The following ECT2 variants were observed in gnomAD, a reference collection of about 807,000 sequenced individuals.
ECT2 encodes the protein protein ECT2.
A neutral mutation model predicts 116.9 loss-of-function variants in ECT2; 61 were observed. That is an observed-to-expected ratio of 0.52 (90% CI 0.42 to 0.65). The LOEUF (loss-of-function observed/expected upper bound fraction) is 0.65. ECT2 is among the 30% of genes least tolerant of loss of function. The pLI is 0.00. For missense variants in ECT2, 937 were observed against 1,078.7 expected, an observed-to-expected ratio of 0.87 and a Z score of 1.84; for synonymous variants, 358 against 346.4, an observed-to-expected ratio of 1.03 and a Z score of -0.37.
At chr3:172,762,854 C>G in intron 10 of ECT2, 48 bp downstream of exon 10, 1 of 1,609,290 alleles carries the variant, frequency 6.2e-7, no homozygotes, top group Non-Finnish European at 8.5e-7. Context: ...CTATTAATAG[C>G]TTCTCTGATA....
chr3:172,805,335 TA>T (rs1727493212), intron 20 of ECT2, among the ~76,000 whole-genome samples: 1 of 152,212 alleles, frequency 6.6e-6, no homozygotes, highest in Non-Finnish European at 1.5e-5. Context: ...TTTTCCTTTC[TA>T]AAAATTAAGC....
At chr3:172,773,017 TAA>T (rs1720932539) in intron 13 of ECT2, among the ~76,000 whole-genome samples, 1 of 152,206 alleles carries the variant, frequency 6.6e-6, no homozygotes, top group Non-Finnish European at 1.5e-5. Flanking sequence ...AGCTTTGTAG[TAA>T]GAAGCTTCTT....
rs775543560 is a variant in ECT2, at chr3:172,773,971, G to C, written c.1497G>C (p.Lys499Asn). Residue 499 changes from lysine to asparagine, a missense_variant, in exon 14 of 25, where the codon AAG becomes AAC. Coordinates refer to ENST00000392692, the MANE Select transcript of ECT2 (RefSeq NM_001258315.2). ...CTATCCTTGCACCAGAGGAGATTAAGACTATTTTTGGTAGCATCCCAGATA... is the reference window on the plus strand; with the variant it reads ...CTATCCTTGCACCAGAGGAGATTAACACTATTTTTGGTAGCATCCCAGATA... Reference protein sequence around the residue: ...GGPILAPEEIKTIFGSIPDIF... With the variant: ...GGPILAPEEINTIFGSIPDIF... 3 of 1,613,212 alleles carry C rather than the reference G, an allele frequency of 1.9e-6. No homozygotes were observed. The highest frequency in any genetic ancestry group is 1.7e-6 in the Non-Finnish European group (2 of 1,179,230).
At position 172,803,923 on chromosome 3, in the gene ECT2, A is replaced by T. The variant is rs937752359; in HGVS notation, c.2106+943A>T. On this transcript the variant is annotated intron_variant, in intron 20 of 24. Transcript: ENST00000392692. ...GGGCTCTGGTGATTTTCTTATCCCA[A>T]CATCGCAAGTAGCTGAGACTATAGA... is the stretch of plus-strand genomic sequence containing the variant. 3.9e-5 allele frequency among the ~76,000 whole-genome samples: 6 copies of T among 151,964 alleles called. No individual in the cohort carries two copies. In the South Asian group the frequency reaches 1.2e-3, roughly 32 times the overall value.
intron 1 of ECT2, among the ~76,000 whole-genome samples, chr3:172,751,424 G>T (rs1715794347): frequency 6.6e-6 from 1 of 152,290 alleles, no homozygotes; most frequent in Non-Finnish European, 1.5e-5. Flanking sequence ...GTTTGACTTA[G>T]GGGAAGTTGC....
chr3:172,779,036 G>A (rs1722250415), intron 14 of ECT2, among the ~76,000 whole-genome samples: 1 of 152,166 alleles, frequency 6.6e-6, no homozygotes, highest in Admixed American at 6.5e-5. Flanking sequence ...ACAGGTTTAT[G>A]AATTAATACT....
intron 13 of ECT2, among the ~76,000 whole-genome samples, chr3:172,770,352 T>C (rs1451376679): frequency 6.6e-6 from 1 of 152,174 alleles, no homozygotes; most frequent in Non-Finnish European, 1.5e-5. Context: ...AGAATTCTAA[T>C]TTGCATATCA....
Position 172,754,654 on chromosome 3 carries a change from G to A in ECT2, c.124G>A (p.Val42Ile). 1.2e-6 allele frequency: 2 copies of A among 1,603,550 alleles called. No individual in the cohort carries two copies. Among genetic ancestry groups the A allele is most frequent in the Non-Finnish European group, 1.7e-6 (2 of 1,174,448 alleles). ...ENLLIGSTSY[V>I]EEEMPQIETR... ...CTTACTTATTGGATCTACTTCATAT[G>A]TAGAAGGTAAACCTGTTACCTGCTT... The change falls in exon 2 of 25, where the codon GTA becomes ATA. Residue 42 changes from valine to isoleucine, a missense_variant. Transcript: ENST00000392692.
At chr3:172,759,096 C>A (rs768629454) in intron 6 of ECT2, 27 bp downstream of exon 6, 4 of 1,469,400 alleles carry the variant, frequency 2.7e-6, no homozygotes, top group Non-Finnish European at 3.7e-6. Flanking sequence ...AAATTCAAAG[C>A]GTATTTTTTA....
intron 14 of ECT2, among the ~76,000 whole-genome samples, chr3:172,775,361 T>C (rs13077405): frequency 0.47 from 71,098 of 152,090 alleles, 19,551 homozygotes; most frequent in East Asian, 0.69. Flanking sequence ...ATCTATAAAT[T>C]ATTTAAAATG....
At chr3:172,816,115 T>G (rs976132882) in intron 23 of ECT2, among the ~76,000 whole-genome samples, 4 of 152,166 alleles carry the variant, frequency 2.6e-5, no homozygotes, top group Non-Finnish European at 4.4e-5. Flanking sequence ...GATAACTTAC[T>G]TACCTTATCA....
chr3:172,800,221 C>T (rs554131469), intron 18 of ECT2, among the ~76,000 whole-genome samples: 9 of 152,252 alleles, frequency 5.9e-5, no homozygotes, highest in Non-Finnish European at 7.4e-5. Flanking sequence ...ACACTTGGGG[C>T]GCGTGGTAGC....
chr3:172,790,446 T>G (rs965898702), intron 18 of ECT2, among the ~76,000 whole-genome samples: 2 of 152,214 alleles, frequency 1.3e-5, no homozygotes, highest in African/African-American at 4.8e-5. Context: ...TCTAGTGTTT[T>G]ACCTATGAAA....
chr3:172,770,160 TCTTC>T (rs1230514898), intron 13 of ECT2, among the ~76,000 whole-genome samples: 7 of 152,194 alleles, frequency 4.6e-5, no homozygotes, highest in East Asian at 3.8e-4. Flanking sequence ...TCACCTTTGC[TCTTC>T]CTTCTCAAGG....
the ECT2 span, among the ~76,000 whole-genome samples, chr3:172,827,028 T>C: frequency 1.3e-5 from 2 of 152,200 alleles, 1 homozygote; most frequent in African/African-American, 4.8e-5. Flanking sequence ...CCAACACATA[T>C]ATGAATAAAT....
At chr3:172,828,876 T>C in the ECT2 span, 3 of 1,297,062 alleles carry the variant, frequency 2.3e-6, no homozygotes, top group Non-Finnish European at 3.3e-6. Context: ...AGAGACGGGT[T>C]CCTGGCATAG....
In ECT2 at chr3:172,820,724, G is replaced by C. The variant is rs1730583614; in HGVS notation, c.*487G>C. On this transcript the variant is annotated 3_prime_UTR_variant, in exon 25 of 25. Transcript: ENST00000392692. ...TAAATAGTGGGTCTGTTTCACATGT[G>C]CAGTTTGAAGTATTTAAATAACCAC... 1 of 151,930 alleles carries C rather than the reference G, an allele frequency of 6.6e-6. No individual in the cohort carries two copies. Among genetic ancestry groups the C allele is most frequent in the South Asian group, 2.1e-4 (1 of 4,834 alleles). The allele number at this position is 151,930 out of a possible 1,614,324, so 9.4% of individuals were successfully genotyped here.
At position 172,769,125 on chromosome 3, in the gene ECT2, A is replaced by G. The variant is rs891236711; in HGVS notation, c.1410A>G (p.Ile470Met). 1.9e-6 allele frequency: 3 copies of G among 1,612,178 alleles called. No individual in the cohort carries two copies. The highest frequency in any genetic ancestry group is 2.5e-6 in the Non-Finnish European group (3 of 1,178,834). The change falls in exon 13 of 25, where the codon ATA (isoleucine) becomes ATG (methionine). Residue 470 changes from isoleucine to methionine, a missense_variant. Ile to Met is a conservative substitution (Grantham distance 10). Transcript: ENST00000392692. ...AAACTGAAAGTAATTATGTTAATAT[A>G]TTGGCAACAATTATTCAGGTAAGTA... Reference protein sequence around the residue: ...LYQTESNYVNILATIIQLFQV... With the variant: ...LYQTESNYVNMLATIIQLFQV...
intron 21 of ECT2, chr3:172,806,081 A>G: frequency 4.4e-6 from 2 of 459,272 alleles, no homozygotes; most frequent in Non-Finnish European, 7.7e-6. Context: ...TACTATCTCA[A>G]CCTATAGGAT....
Sources: allele counts gnomAD v4.1 joint callset (sites outside exome capture counted in the v4.1 genomes callset), GRCh38; gene constraint gnomAD v4.1.1; transcripts MANE v1.5; gene names NCBI Gene and HGNC (gene_info 2026-07-23, HGNC 2026-07-21).